Variants in UNC5D observed in about 807,000 individuals in gnomAD.
UNC5D encodes the protein netrin receptor UNC5D.
A neutral mutation model predicts 105.4 loss-of-function variants in UNC5D; 39 were observed. That is an observed-to-expected ratio of 0.37 (90% confidence interval 0.29 to 0.48). The LOEUF is 0.48. Ranked by LOEUF, UNC5D falls within the 20% of genes least tolerant of loss-of-function variation. The pLI is 0.98. For missense variants in UNC5D, 991 were observed against 1,202.4 expected (o/e 0.82, Z 2.60); for synonymous variants, 452 against 450.4 (o/e 1.00, Z -0.04).
chr8:35,318,381 T>A (rs2128883335), intron 1 of UNC5D, among the ~76,000 whole-genome samples: 1 of 152,204 alleles, frequency 6.6e-6, no homozygotes, highest in South Asian at 2.1e-4. Context: ...AGTGAGAACA[T>A]GATAAATACA....
intron 1 of UNC5D, among the ~76,000 whole-genome samples, chr8:35,308,974 G>A (rs1244901449): frequency 2.6e-5 from 4 of 152,082 alleles, no homozygotes; most frequent in African/African-American, 9.7e-5. Flanking sequence ...GGAGGAGAGA[G>A]CCCGGCTGGC....
At chr8:35,496,853 A>G (rs534878423) in intron 1 of UNC5D, among the ~76,000 whole-genome samples, 12 of 152,290 alleles carry the variant, frequency 7.9e-5, no homozygotes, top group African/African-American at 2.6e-4. Context: ...GACATTTCAT[A>G]TAAATGGAAT....
intron 1 of UNC5D, among the ~76,000 whole-genome samples, chr8:35,285,316 C>T (rs1035015992): frequency 6.6e-6 from 1 of 152,160 alleles, no homozygotes; most frequent in African/African-American, 2.4e-5. Flanking sequence ...CCCTGGGTCT[C>T]CCTAGGAGAA....
chr8:35,697,130 T>C (rs948831315), intron 7 of UNC5D, among the ~76,000 whole-genome samples: 1 of 144,650 alleles, frequency 6.9e-6, no homozygotes, highest in African/African-American at 2.8e-5. Flanking sequence ...CACATACTTA[T>C]ATATATACAT....
chr8:35,745,170 G>GA (rs1176313969), intron 11 of UNC5D, among the ~76,000 whole-genome samples: 18 of 152,284 alleles, frequency 1.2e-4, no homozygotes, highest in Middle Eastern at 3.4e-3. Context: ...GTGTTAAGGA[G>GA]AAAAAGTCAA....
chr8:35,409,421 G>GT (rs1408680422), intron 1 of UNC5D, among the ~76,000 whole-genome samples: 4 of 149,296 alleles, frequency 2.7e-5, no homozygotes, highest in Non-Finnish European at 4.5e-5. Context: ...GTTGTTGTTT[G>GT]TTTGTTTTCA....
intron 1 of UNC5D, among the ~76,000 whole-genome samples, chr8:35,360,665 T>A (rs1801806782): frequency 6.6e-6 from 1 of 152,214 alleles, no homozygotes; most frequent in African/African-American, 2.4e-5. Flanking sequence ...AGTATGTGCA[T>A]CTTTGAATTC....
intron 1 of UNC5D, among the ~76,000 whole-genome samples, chr8:35,284,193 T>A (rs1806412333): frequency 6.6e-6 from 1 of 152,190 alleles, no homozygotes; most frequent in African/African-American, 2.4e-5. Context: ...AGTTTAAAAA[T>A]TATGCATATG....
chr8:35,359,731 G>A (rs1801757891), intron 1 of UNC5D, among the ~76,000 whole-genome samples: 1 of 152,048 alleles, frequency 6.6e-6, no homozygotes, highest in Non-Finnish European at 1.5e-5. Flanking sequence ...TTAAAAAGAT[G>A]TATTTCTGAA....
intron 4 of UNC5D, among the ~76,000 whole-genome samples, chr8:35,619,031 A>C (rs1475773461): frequency 6.6e-6 from 1 of 152,210 alleles, no homozygotes; most frequent in East Asian, 1.9e-4. Context: ...TACAGATTTC[A>C]ATTTATTTAA....
chr8:35,444,410 T>C (rs899973070), intron 1 of UNC5D, among the ~76,000 whole-genome samples: 4 of 152,116 alleles, frequency 2.6e-5, no homozygotes, highest in Admixed American at 6.6e-5. Flanking sequence ...TTCTTTCTTT[T>C]TTCAGCCTTT....
At chr8:35,603,694 C>T (rs1355382103) in intron 4 of UNC5D, among the ~76,000 whole-genome samples, 3 of 152,140 alleles carry the variant, frequency 2.0e-5, no homozygotes, top group African/African-American at 7.2e-5. Context: ...GTTTCTAGGC[C>T]ACTAAGGACT....
chr8:35,258,370 C>G (rs903432326), intron 1 of UNC5D, among the ~76,000 whole-genome samples: 4 of 152,152 alleles, frequency 2.6e-5, no homozygotes, highest in African/African-American at 9.7e-5. Flanking sequence ...AACATTCAAA[C>G]CATAGTAATA....
intron 1 of UNC5D, among the ~76,000 whole-genome samples, chr8:35,286,235 A>G (rs1166366024): frequency 6.6e-6 from 1 of 152,202 alleles, no homozygotes; most frequent in Non-Finnish European, 1.5e-5. Flanking sequence ...ATGGTGGAAT[A>G]GGAATTTTTG....
chr8:35,785,903 C>A (rs1315146959), intron 16 of UNC5D, among the ~76,000 whole-genome samples: 1 of 152,128 alleles, frequency 6.6e-6, no homozygotes, highest in Non-Finnish European at 1.5e-5. Context: ...ACTATGGGAA[C>A]AATCTTCCTG....
intron 4 of UNC5D, among the ~76,000 whole-genome samples, chr8:35,657,078 G>GTATATATA (rs1823800749): frequency 1.6e-4 from 13 of 80,568 alleles, no homozygotes; most frequent in Admixed American, 3.8e-4. Flanking sequence ...GTGTGTGTGT[G>GTATATATA]TGTATATATA....
chr8:35,525,012 G>A (rs927271789), intron 1 of UNC5D, among the ~76,000 whole-genome samples: 4 of 142,806 alleles, frequency 2.8e-5, no homozygotes, highest in Non-Finnish European at 6.1e-5. Context: ...GTTCTTTTTT[G>A]TTGGGTGTTT....
At chr8:35,669,943 A>T (rs1824671063) in intron 4 of UNC5D, among the ~76,000 whole-genome samples, 2 of 152,118 alleles carry the variant, frequency 1.3e-5, no homozygotes, top group South Asian at 4.1e-4. Flanking sequence ...TGAACTGAAG[A>T]TGTCAATCTG....
At chr8:35,442,723 C>T (rs991095320) in intron 1 of UNC5D, among the ~76,000 whole-genome samples, 5 of 152,018 alleles carry the variant, frequency 3.3e-5, no homozygotes, top group East Asian at 3.9e-4. Flanking sequence ...TAAAAGCTCT[C>T]TTCCCGAGCA....
Sources: allele counts gnomAD v4.1 joint callset (sites outside exome capture counted in the v4.1 genomes callset), GRCh38; gene constraint gnomAD v4.1.1; transcripts MANE v1.5; gene names NCBI Gene and HGNC (gene_info 2026-07-23, HGNC 2026-07-21).